Variants in INSL6 observed in about 807,000 individuals in gnomAD.
The protein encoded by INSL6 is insulin-like peptide INSL6.
INSL6 carries 16 observed loss-of-function variants against 9.4 expected under a neutral mutation model. That is an observed-to-expected ratio of 1.70 (90% CI 1.15 to 2.59). The LOEUF (loss-of-function observed/expected upper bound fraction) is 2.59, where lower values mean the gene tolerates loss of function less well. Among genes scored for constraint, INSL6 ranks in the 30% most tolerant of loss-of-function variants. The pLI, the probability that INSL6 is intolerant of heterozygous loss-of-function variation, is 0.00. For synonymous variants in INSL6, 154 were observed against 96.9 expected (o/e 1.59, Z -3.46); for missense variants, 391 against 257.3 (o/e 1.52, Z -3.56).
the INSL6 span, among the ~76,000 whole-genome samples, chr9:5,026,860 A>C: frequency 6.6e-6 from 1 of 152,238 alleles, no homozygotes; most frequent in Non-Finnish European, 1.5e-5. Flanking sequence ...ATATCTTTTA[A>C]GAAATTACAT....
chr9:5,143,274 CTCT>C (rs763630380), intron 2 of INSL6, among the ~76,000 whole-genome samples: 17 of 151,556 alleles, frequency 1.1e-4, no homozygotes, highest in Non-Finnish European at 1.8e-4. Context: ...ATGGTACCAG[CTCT>C]TCTTTATACA....
the INSL6 span, among the ~76,000 whole-genome samples, chr9:5,027,233 T>C: frequency 6.6e-6 from 1 of 152,202 alleles, no homozygotes; most frequent in Non-Finnish European, 1.5e-5. Context: ...TGGGTTTGGT[T>C]CCAGACTATC....
chr9:5,165,326 A>T (rs1290648622), intron 1 of INSL6, among the ~76,000 whole-genome samples: 1 of 152,156 alleles, frequency 6.6e-6, no homozygotes, highest in African/African-American at 2.4e-5. Context: ...GCATGATATA[A>T]ATTTGTTTGA....
chr9:5,007,779 G>A, the INSL6 span, among the ~76,000 whole-genome samples: 1 of 151,668 alleles, frequency 6.6e-6, no homozygotes, highest in South Asian at 2.1e-4. Flanking sequence ...AACTGCAGTG[G>A]TGTGATATCT....
the INSL6 span, among the ~76,000 whole-genome samples, chr9:5,075,865 T>G: frequency 6.6e-6 from 1 of 152,124 alleles, no homozygotes; most frequent in Admixed American, 6.5e-5. Flanking sequence ...GAAAAACTTA[T>G]GGAAAGGATT....
chr9:5,148,831 A>G (rs1344049646), intron 2 of INSL6, among the ~76,000 whole-genome samples: 1 of 152,200 alleles, frequency 6.6e-6, no homozygotes, highest in Admixed American at 6.5e-5. Flanking sequence ...GTACTCAGGT[A>G]GAGCAAGGCA....
chr9:5,043,844 CAGAA>C, the INSL6 span, among the ~76,000 whole-genome samples: 5 of 152,158 alleles, frequency 3.3e-5, no homozygotes, highest in Admixed American at 6.6e-5. Context: ...AGAAGGCAGA[CAGAA>C]AGGCCACATG....
the INSL6 span, among the ~76,000 whole-genome samples, chr9:5,003,330 G>A: frequency 1.3e-5 from 2 of 151,858 alleles, no homozygotes; most frequent in Non-Finnish European, 2.9e-5. Context: ...ACCATACTGA[G>A]TTTTTCTGTA....
chr9:5,125,082 G>T (rs192610711), intron 3 of INSL6, among the ~76,000 whole-genome samples: 80 of 150,914 alleles, frequency 5.3e-4, no homozygotes, highest in African/African-American at 1.9e-3. Flanking sequence ...GGTCATCATA[G>T]AATTTTTTTT....
chr9:5,168,848 G>A (rs1242049688), intron 1 of INSL6, among the ~76,000 whole-genome samples: 1 of 151,924 alleles, frequency 6.6e-6, no homozygotes, highest in Non-Finnish European at 1.5e-5. Flanking sequence ...ACCTATAAAG[G>A]GAAGCCCATC....
chr9:5,027,784 T>C, the INSL6 span, among the ~76,000 whole-genome samples: 4 of 152,242 alleles, frequency 2.6e-5, no homozygotes, highest in Non-Finnish European at 5.9e-5. Flanking sequence ...GAAACCACTT[T>C]CTTTGCTCAT....
the INSL6 span, among the ~76,000 whole-genome samples, chr9:5,115,997 G>A: frequency 6.6e-6 from 1 of 151,876 alleles, no homozygotes; most frequent in African/African-American, 2.4e-5. Flanking sequence ...CATGACACGT[G>A]TATACCTACG....
the INSL6 span, among the ~76,000 whole-genome samples, chr9:5,118,065 C>G: frequency 4.7e-4 from 71 of 152,094 alleles, no homozygotes; most frequent in Non-Finnish European, 7.8e-4. Context: ...TATGTCAATC[C>G]TTTAAATGTG....
At chr9:5,041,676 C>T in the INSL6 span, 1 of 511,160 alleles carries the variant, frequency 2.0e-6, no homozygotes, top group South Asian at 1.5e-5. Flanking sequence ...CTCCAGCTAC[C>T]TCTTCGACCG....
the INSL6 span, among the ~76,000 whole-genome samples, chr9:5,101,319 TG>T: frequency 2.0e-5 from 3 of 152,240 alleles, no homozygotes; most frequent in Admixed American, 2.0e-4. Context: ...GGCAGCAGCC[TG>T]GCAGGCGGAG....
chr9:5,035,139 T>G, the INSL6 span, among the ~76,000 whole-genome samples: 3 of 152,148 alleles, frequency 2.0e-5, no homozygotes, highest in African/African-American at 4.8e-5. Context: ...CTAGAATAAA[T>G]GGATAAATTC....
intron 2 of INSL6, among the ~76,000 whole-genome samples, chr9:5,153,450 G>A (rs900582992): frequency 2.0e-5 from 3 of 152,166 alleles, no homozygotes; most frequent in African/African-American, 4.8e-5. Flanking sequence ...TGGAGCCCAC[G>A]CCAGCTCAGC....
the INSL6 span, among the ~76,000 whole-genome samples, chr9:5,067,450 G>C: frequency 6.6e-6 from 1 of 151,752 alleles, no homozygotes; most frequent in Non-Finnish European, 1.5e-5. Flanking sequence ...TTAAAACAGA[G>C]AAAAATAAGA....
At chr9:5,070,336 G>A in the INSL6 span, among the ~76,000 whole-genome samples, 5 of 151,672 alleles carry the variant, frequency 3.3e-5, no homozygotes, top group Non-Finnish European at 5.9e-5. Context: ...GACCTATATC[G>A]CAACTCCCAA....
Sources: gnomAD v4.1 joint callset for allele counts (sites outside exome capture counted in the v4.1 genomes callset) on GRCh38, gnomAD v4.1.1 for gene constraint, MANE v1.5 for transcripts, NCBI Gene and HGNC (gene_info 2026-07-23, HGNC 2026-07-21) for gene names.